The following ADGRA3 variants were observed in gnomAD, a reference collection of about 807,000 sequenced individuals.
ADGRA3 encodes G-protein coupled receptor 125.
In ADGRA3, 56 loss-of-function variants were observed where a neutral mutation model predicts 119.8. That is an observed-to-expected ratio of 0.47 (90% confidence interval 0.38 to 0.58). The LOEUF is 0.58. Among genes scored for constraint, ADGRA3 ranks in the 20% least tolerant of loss-of-function variants. ADGRA3 has a pLI of 0.00. For synonymous variants in ADGRA3, 607 were observed against 623.8 expected, an observed-to-expected ratio of 0.97 and a Z score of 0.40; for missense variants, 1,516 against 1,649.0, an observed-to-expected ratio of 0.92 and a Z score of 1.40.
intron 12 of ADGRA3, chr4:22,419,966 G>A (rs897437711): frequency 2.0e-5 from 3 of 152,460 alleles, no homozygotes; most frequent in African/African-American, 7.2e-5. Context: ...GGGCAGTTGG[G>A]ATTTTCTAAA....
intron 1 of ADGRA3, among the ~76,000 whole-genome samples, chr4:22,501,894 T>G (rs1253300875): frequency 1.3e-5 from 2 of 150,218 alleles, no homozygotes; most frequent in Non-Finnish European, 2.9e-5. Context: ...TTTTTCAACT[T>G]TATCCCTGAG....
chr4:22,402,608 T>A, intron 15 of ADGRA3, 67 bp downstream of exon 15: 7 of 1,529,556 alleles, frequency 4.6e-6, no homozygotes, highest in Non-Finnish European at 6.2e-6. Context: ...TTTATCCTAA[T>A]TAAATGTGAA....
At chr4:22,484,433 C>T (rs554332807) in intron 1 of ADGRA3, among the ~76,000 whole-genome samples, 4 of 151,998 alleles carry the variant, frequency 2.6e-5, no homozygotes, top group Non-Finnish European at 4.4e-5. Flanking sequence ...GGTGAAACCC[C>T]GTCTCTACTA....
chr4:22,489,107 G>A (rs1718538654), intron 1 of ADGRA3, among the ~76,000 whole-genome samples: 1 of 152,136 alleles, frequency 6.6e-6, no homozygotes, highest in Non-Finnish European at 1.5e-5. Flanking sequence ...ACATGGCTGG[G>A]GAGGCCTCAT....
At chr4:22,466,645 G>C (rs951567808) in intron 2 of ADGRA3, among the ~76,000 whole-genome samples, 1 of 150,538 alleles carries the variant, frequency 6.6e-6, no homozygotes, top group Non-Finnish European at 1.5e-5. Flanking sequence ...GAACCCAGGA[G>C]GCAGAGGCTG....
At chr4:22,402,529 A>G in intron 15 of ADGRA3, 146 bp downstream of exon 15, 1 of 720,482 alleles carries the variant, frequency 1.4e-6, no homozygotes, top group Non-Finnish European at 2.2e-6. Context: ...ATGGCATGAA[A>G]TGAAGGCATG....
rs1368342362 is a variant in ADGRA3 at position 22,413,387 on chromosome 4, C to A, written c.2027G>T (p.Gly676Val). The A allele has an allele frequency of 1.2e-6, 2 of 1,611,848 alleles. No individual in the cohort carries two copies. Among genetic ancestry groups the A allele is most frequent in the Non-Finnish European group, 1.7e-6 (2 of 1,178,016 alleles). ...GATGTGGTGGGTATCTACATTCACA[C>A]CATCTGGAGAAAATGGGAAATAAAA... ...VTPVILTKID[G>V]VNVDTHHIPV... Residue 676 changes from glycine to valine, a missense_variant, in exon 14 of 19, where the codon GGT (glycine) becomes GTT (valine). Physicochemically the swap from Gly to Val is moderately radical, Grantham distance 109. Transcript: ENST00000334304.
At chr4:22,462,741 A>G (rs994811876) in intron 2 of ADGRA3, among the ~76,000 whole-genome samples, 26 of 152,278 alleles carry the variant, frequency 1.7e-4, no homozygotes, top group African/African-American at 6.3e-4. Flanking sequence ...CATTTATCCT[A>G]TTCTTCTCAA....
At position 22,388,398 on chromosome 4, in the gene ADGRA3, A is replaced by G. The variant is rs1282960081; in HGVS notation, c.3273T>C (p.Asn1091=). 4 of 1,614,042 alleles carry G rather than the reference A, an allele frequency of 2.5e-6. No individual in the cohort carries two copies. Among genetic ancestry groups the G allele is most frequent in the Middle Eastern group, 3.3e-4 (2 of 6,062 alleles). ...TTGTGCATGAAGACTCCGCACTGCTATTGGGGCATTTGGGTGCCTCTCCAT... is the reference window on the plus strand; with the variant it reads ...TTGTGCATGAAGACTCCGCACTGCTGTTGGGGCATTTGGGTGCCTCTCCAT... ...GTNGEAPKCP[N]SSAESSCTNK... The change falls in exon 19 of 19, where the codon AAT becomes AAC. Residue 1091 remains asparagine, a synonymous_variant. Coordinates refer to ENST00000334304, the MANE Select transcript of ADGRA3 (RefSeq NM_145290.4).
At chr4:22,395,783 T>C (rs1014156020) in intron 16 of ADGRA3, among the ~76,000 whole-genome samples, 1 of 152,278 alleles carries the variant, frequency 6.6e-6, no homozygotes, top group East Asian at 1.9e-4. Context: ...TTTATATAGT[T>C]ATAAAATACA....
At chr4:22,420,764 C>T in intron 12 of ADGRA3, 122 bp downstream of exon 12, 2 of 911,094 alleles carry the variant, frequency 2.2e-6, no homozygotes, top group East Asian at 4.8e-5. Context: ...GTAGCAAAAG[C>T]AATAATACCT....
chr4:22,506,313 G>A (rs1472107045), intron 1 of ADGRA3, among the ~76,000 whole-genome samples: 1 of 152,138 alleles, frequency 6.6e-6, no homozygotes, highest in African/African-American at 2.4e-5. Flanking sequence ...AGCACTTTGG[G>A]AGGCCAAGGT....
chr4:22,497,942 TAA>T (rs74413790), intron 1 of ADGRA3, among the ~76,000 whole-genome samples: 11,188 of 111,254 alleles, frequency 0.1, 472 homozygotes, highest in Middle Eastern at 0.15. Flanking sequence ...AGACCCCATC[TAA>T]AAAAAAAAAA....
intron 7 of ADGRA3, among the ~76,000 whole-genome samples, chr4:22,438,747 G>A (rs1716495673): frequency 6.6e-6 from 1 of 152,096 alleles, no homozygotes; most frequent in South Asian, 2.1e-4. Flanking sequence ...AGTAATCCCA[G>A]CACTCTGGGA....
At chr4:22,411,789 CGA>C (rs1439255514) in intron 14 of ADGRA3, among the ~76,000 whole-genome samples, 2 of 151,758 alleles carry the variant, frequency 1.3e-5, no homozygotes, top group East Asian at 3.9e-4. Context: ...CAAATATAGC[CGA>C]GTCTATAAAC....
At chr4:22,498,852 T>C (rs1270272490) in intron 1 of ADGRA3, among the ~76,000 whole-genome samples, 2 of 151,052 alleles carry the variant, frequency 1.3e-5, no homozygotes, top group Non-Finnish European at 3.0e-5. Context: ...AGGTAGAGGT[T>C]TCAGTGAGCA....
At chr4:22,486,500 C>G (rs1718437368) in intron 1 of ADGRA3, among the ~76,000 whole-genome samples, 1 of 152,170 alleles carries the variant, frequency 6.6e-6, no homozygotes, top group South Asian at 2.1e-4. Flanking sequence ...CAACCAAAAT[C>G]TAAAGTCCCA....
At chr4:22,439,658 T>C (rs1716531794) in intron 7 of ADGRA3, among the ~76,000 whole-genome samples, 1 of 152,168 alleles carries the variant, frequency 6.6e-6, no homozygotes, top group South Asian at 2.1e-4. Flanking sequence ...AAAATAAACA[T>C]ACTGTAATTA....
intron 16 of ADGRA3, among the ~76,000 whole-genome samples, chr4:22,400,216 A>C (rs924295844): frequency 6.6e-6 from 1 of 152,170 alleles, no homozygotes; most frequent in Non-Finnish European, 1.5e-5. Context: ...TAGACATTAA[A>C]ATCAAAATCT....
Sources: allele counts gnomAD v4.1 joint callset (sites outside exome capture counted in the v4.1 genomes callset), GRCh38; gene constraint gnomAD v4.1.1; transcripts MANE v1.5; gene names NCBI Gene and HGNC (gene_info 2026-07-23, HGNC 2026-07-21).